DMD: variants seen among roughly 807,000 people sequenced by gnomAD.
DMD encodes mutant dystrophin.
In DMD, 63 loss-of-function variants were observed where a neutral mutation model predicts 330.1. The observed-to-expected ratio is 0.19, with a 90% CI of 0.16 to 0.24. The LOEUF (loss-of-function observed/expected upper bound fraction) is 0.24. DMD is among the 10% of genes least tolerant of loss of function. DMD has a pLI of 1.00. For missense variants in DMD, 3,344 were observed against 2,684.1 expected (o/e 1.25, Z -5.43); for synonymous variants, 1,223 against 959.8 (o/e 1.27, Z -5.07).
intron 2 of DMD, among the ~76,000 whole-genome samples, chrX:32,942,661 C>A (rs756716557): frequency 8.0e-5 from 9 of 112,123 alleles, no homozygotes; most frequent in Non-Finnish European, 1.7e-4. Context: ...AAGCCCAACA[C>A]GGTAATAGAC....
At chrX:31,211,416 G>A (rs962908483) in intron 64 of DMD, among the ~76,000 whole-genome samples, 2 of 112,075 alleles carry the variant, frequency 1.8e-5, no homozygotes, top group African/African-American at 6.5e-5. Flanking sequence ...TTCCCAACAT[G>A]TTTCCTTATA....
intron 48 of DMD, among the ~76,000 whole-genome samples, chrX:31,863,223 G>A (rs1288516135): frequency 8.9e-6 from 1 of 112,294 alleles, no homozygotes; most frequent in Non-Finnish European, 1.9e-5. Context: ...GGCGCCTGTA[G>A]TCCCAGCTGC....
rs771392678 is a variant in DMD, at chrX:31,209,582, C to A, written c.9479G>T (p.Arg3160Leu). The part of the protein sequence containing the change: ...IINCLTTIYD[R>L]LEQEHNNLVN... ...CAAATTGTTGTGCTCTTGCTCCAGG[C>A]GGTCATAAATAGTGGTCAAACAATT... Residue 3160 changes from arginine (R) to leucine (L), a missense_variant, in exon 65 of 79, where the codon CGC (arginine) becomes CTC (leucine). Coordinates refer to ENST00000357033, the MANE Select transcript of DMD (RefSeq NM_004006.3). 4.1e-6 allele frequency: 5 copies of A among 1,211,110 alleles called. No homozygotes were observed. In the Admixed American group the frequency reaches 6.5e-5, roughly 16 times the overall value.
At chrX:32,897,584 T>C (rs1264009542) in intron 2 of DMD, among the ~76,000 whole-genome samples, 1 of 112,563 alleles carries the variant, frequency 8.9e-6, no homozygotes, top group Non-Finnish European at 1.9e-5. Flanking sequence ...TTCTATGCTT[T>C]AGCAACTTGA....
At chrX:31,162,751 T>G (rs2038991436) in intron 74 of DMD, among the ~76,000 whole-genome samples, 1 of 111,958 alleles carries the variant, frequency 8.9e-6, no homozygotes, top group Admixed American at 9.5e-5. Flanking sequence ...GAGAGATAAT[T>G]AGGATAAAGG....
At chrX:32,796,658 T>C (rs2076203207) in intron 7 of DMD, among the ~76,000 whole-genome samples, 1 of 111,913 alleles carries the variant, frequency 8.9e-6, no homozygotes, top group Admixed American at 9.5e-5. Flanking sequence ...ATACCCCAAA[T>C]ACACTGACTT....
At chrX:32,785,658 A>G (rs2075289295) in intron 7 of DMD, among the ~76,000 whole-genome samples, 1 of 111,901 alleles carries the variant, frequency 8.9e-6, no homozygotes, top group Admixed American at 9.5e-5. Flanking sequence ...TACTTAGGTT[A>G]TAACAATTTA....
At position 32,155,508 on chromosome X, in the gene DMD, G is replaced by A. The variant is rs751546400; in HGVS notation, c.6438+61408C>T. 4 of 664,958 alleles carry A rather than the reference G, an allele frequency of 6.0e-6. No individual in the cohort carries two copies. In the East Asian group the frequency reaches 6.4e-4, roughly 107 times the overall value. The allele number at this position is 664,958 out of a possible 1,213,427, so 54.8% of individuals were successfully genotyped here. A position where few individuals can be genotyped will look rare whatever the true frequency, so the allele number is the denominator to read the frequency against. ...TGCTGGGATGCTGAATGGCACATCA[G>A]CCAACTTTGTGTGTAGCAAAGGCTC... is the stretch of plus-strand genomic sequence containing the variant. On this transcript the variant is annotated intron_variant, in intron 44 of 78. Transcript: ENST00000357033.
intron 74 of DMD, among the ~76,000 whole-genome samples, chrX:31,163,642 C>G (rs780336547): frequency 1.8e-5 from 2 of 111,365 alleles, no homozygotes; most frequent in South Asian, 7.6e-4. Flanking sequence ...TCCTCCCTTC[C>G]TTACCCTAAA....
chrX:31,508,145 A>G (rs2071133866), intron 55 of DMD: 2 of 902,141 alleles, frequency 2.2e-6, no homozygotes, highest in Admixed American at 2.4e-5. Flanking sequence ...ATAAGAGGTT[A>G]TGCATTCAAC....
intron 44 of DMD, among the ~76,000 whole-genome samples, chrX:32,145,471 G>A (rs2096774067): frequency 8.9e-6 from 1 of 112,238 alleles, no homozygotes; most frequent in Non-Finnish European, 1.9e-5. Flanking sequence ...AGCACAGCAT[G>A]CTCCTTGCAG....
At chrX:32,550,422 G>T (rs1048617903) in intron 16 of DMD, among the ~76,000 whole-genome samples, 1 of 111,140 alleles carries the variant, frequency 9.0e-6, no homozygotes, top group African/African-American at 3.3e-5. Flanking sequence ...CAGAAATCAA[G>T]AAATTATTTG....
At chrX:32,448,118 C>A (rs4298639) in intron 27 of DMD, among the ~76,000 whole-genome samples, 14 of 110,740 alleles carry the variant, frequency 1.3e-4, no homozygotes, top group Non-Finnish European at 2.7e-4. Flanking sequence ...GTCTATAAAT[C>A]TGGAGAAAAT....
At chrX:32,833,892 C>T (rs2148912467) in intron 4 of DMD, among the ~76,000 whole-genome samples, 1 of 109,921 alleles carries the variant, frequency 9.1e-6, no homozygotes, top group South Asian at 3.8e-4. Context: ...TACTAATTTC[C>T]CTTAAAGCAA....
chrX:31,667,395 A>G (rs1184787795), intron 53 of DMD, among the ~76,000 whole-genome samples: 2 of 111,334 alleles, frequency 1.8e-5, no homozygotes, highest in Non-Finnish European at 3.8e-5. Context: ...GAACATCTGT[A>G]TAAAGGTTTT....
chrX:31,912,209 A>G (rs966958711), intron 47 of DMD, among the ~76,000 whole-genome samples: 3 of 111,096 alleles, frequency 2.7e-5, no homozygotes, highest in African/African-American at 9.8e-5. Flanking sequence ...TTTGAGAAGT[A>G]TGCTCAGTAA....
In DMD at chrX:31,528,997, TAAAA is replaced by T. The variant is rs779212953; in HGVS notation, c.8218-21548_8218-21545del. ...ATGTTTTAAAAATTAAAAATAAAAA[TAAAA>T]AAACAGTTAAAGGAGTTTGAGAACA... is the stretch of plus-strand genomic sequence containing the variant. On this transcript the variant is annotated intron_variant, in intron 55 of 78. Coordinates refer to ENST00000357033, the MANE Select transcript of DMD (RefSeq NM_004006.3). Among the ~76,000 whole-genome samples, 362 of 110,312 alleles carry T rather than the reference TAAAA, an allele frequency of 3.3e-3. 1 individual carries two copies. The highest frequency in any genetic ancestry group is 0.011 in the African/African-American group (345 of 30,297).
intron 1 of DMD, among the ~76,000 whole-genome samples, chrX:33,327,401 A>G (rs2054104091): frequency 8.9e-6 from 1 of 111,955 alleles, no homozygotes. Flanking sequence ...TAGGTTGCTA[A>G]AAAGAATTAA....
At chrX:33,275,447 G>T (rs911559972) in intron 1 of DMD, among the ~76,000 whole-genome samples, 1 of 111,877 alleles carries the variant, frequency 8.9e-6, no homozygotes, top group African/African-American at 3.2e-5. Context: ...CAAAAGTTCA[G>T]ATCCGTTTTA....
Sources: gnomAD v4.1 joint callset for allele counts (sites outside exome capture counted in the v4.1 genomes callset) on GRCh38, gnomAD v4.1.1 for gene constraint, MANE v1.5 for transcripts, NCBI Gene and HGNC (gene_info 2026-07-23, HGNC 2026-07-21) for gene names.